ASIC2: variants seen among roughly 807,000 people sequenced by gnomAD.
ASIC2 encodes the protein acid-sensing ion channel 2.
A neutral mutation model predicts 57.3 loss-of-function variants in ASIC2; 25 were observed. The observed-to-expected ratio is 0.44, with a 90% CI of 0.32 to 0.61. ASIC2 has a LOEUF of 0.61. Among genes scored for constraint, ASIC2 ranks in the 20% least tolerant of loss-of-function variants. The pLI is 0.06. For missense variants in ASIC2, 641 were observed against 738.1 expected (o/e 0.87, Z 1.52); for synonymous variants, 319 against 307.5 (o/e 1.04, Z -0.39).
intron 1 of ASIC2, among the ~76,000 whole-genome samples, chr17:33,133,532 A>T (rs1302180444): frequency 1.3e-5 from 2 of 152,216 alleles, no homozygotes; most frequent in South Asian, 2.1e-4. Context: ...AGGGATGGGA[A>T]ACTTAGACTC....
intron 1 of ASIC2, among the ~76,000 whole-genome samples, chr17:33,321,977 G>A (rs981949685): frequency 6.6e-6 from 1 of 152,180 alleles, no homozygotes; most frequent in Admixed American, 6.5e-5. Context: ...TACCTGAGAC[G>A]CCATGGCTTC....
intron 1 of ASIC2, among the ~76,000 whole-genome samples, chr17:33,711,566 A>G (rs1291856261): frequency 6.6e-6 from 1 of 152,184 alleles, no homozygotes; most frequent in African/African-American, 2.4e-5. Flanking sequence ...TTTATAAAGA[A>G]AAGAGGTTTA....
chr17:33,797,085 TCTCA>T (rs1911940082), intron 1 of ASIC2, among the ~76,000 whole-genome samples: 2 of 152,206 alleles, frequency 1.3e-5, no homozygotes, highest in Admixed American at 1.3e-4. Flanking sequence ...GCCTTTTCTC[TCTCA>T]CTCAGTGCCA....
At chr17:33,717,792 C>T (rs1165805354) in intron 1 of ASIC2, among the ~76,000 whole-genome samples, 1 of 152,190 alleles carries the variant, frequency 6.6e-6, no homozygotes, top group Non-Finnish European at 1.5e-5. Flanking sequence ...TGGGTAATTT[C>T]TCCTACCTCG....
intron 1 of ASIC2, among the ~76,000 whole-genome samples, chr17:33,516,707 C>T (rs934558978): frequency 7.9e-5 from 12 of 152,104 alleles, no homozygotes; most frequent in African/African-American, 2.9e-4. Flanking sequence ...TTGGCTTTAT[C>T]TATTTTGTCT....
At chr17:34,097,969 T>C (rs1910606241) in intron 1 of ASIC2, among the ~76,000 whole-genome samples, 1 of 152,094 alleles carries the variant, frequency 6.6e-6, no homozygotes, top group African/African-American at 2.4e-5. Flanking sequence ...AAAGGATACA[T>C]AGGAAATAGA....
At position 33,478,397 on chromosome 17, in the gene ASIC2, G is replaced by A. The variant is rs1004407409; in HGVS notation, c.556-366330C>T. 2.8e-4 allele frequency among the ~76,000 whole-genome samples: 42 copies of A among 152,194 alleles called. 1 individual carries two copies. On this transcript the variant is annotated intron_variant, in intron 1 of 9. Transcript: ENST00000359872. The stretch of plus-strand genomic sequence containing the variant: ...ACACGAACTACCGTTCTTGGTCTCC[G>A]TAAATAGCACAGAGGTCTCCCCAAC...
intron 1 of ASIC2, among the ~76,000 whole-genome samples, chr17:33,820,873 G>T (rs1258511753): frequency 6.6e-6 from 1 of 152,030 alleles, no homozygotes; most frequent in Non-Finnish European, 1.5e-5. Flanking sequence ...CTTAAATGCG[G>T]CTGTTAGAAA....
chr17:34,069,360 CTTTCT>C (rs1018564206), intron 1 of ASIC2: 1 of 3,550 alleles, frequency 2.8e-4, no homozygotes, highest in African/African-American at 1.0e-3. Context: ...CTTTCTTTTT[CTTTCT>C]TTCTTTCCTT....
chr17:33,273,559 T>A (rs943697876), intron 1 of ASIC2, among the ~76,000 whole-genome samples: 9 of 151,730 alleles, frequency 5.9e-5, no homozygotes, highest in African/African-American at 2.2e-4. Flanking sequence ...GGGGTGGAGG[T>A]GGGGAGTACT....
intron 2 of ASIC2, among the ~76,000 whole-genome samples, chr17:33,108,426 G>A (rs1234124615): frequency 6.6e-6 from 1 of 152,196 alleles, no homozygotes; most frequent in Non-Finnish European, 1.5e-5. Context: ...GTTTGGCAGG[G>A]CAGGAAGGCT....
chr17:33,362,660 G>A (rs1908655533), intron 1 of ASIC2, among the ~76,000 whole-genome samples: 1 of 152,232 alleles, frequency 6.6e-6, no homozygotes, highest in African/African-American at 2.4e-5. Flanking sequence ...ATGGATAGGA[G>A]AGCCCTTACT....
chr17:33,992,429 C>T (rs1388605385), intron 1 of ASIC2, among the ~76,000 whole-genome samples: 2 of 152,174 alleles, frequency 1.3e-5, no homozygotes, highest in African/African-American at 2.4e-5. Context: ...ACTCAGCTTC[C>T]TTGACCCTGC....
At chr17:33,687,971 G>A (rs573462637) in intron 1 of ASIC2, among the ~76,000 whole-genome samples, 80 of 152,226 alleles carry the variant, frequency 5.3e-4, no homozygotes, top group African/African-American at 1.9e-3. Context: ...ACCTGAGAAG[G>A]CCCAGAGGAG....
chr17:34,033,915 C>T (rs111861874), intron 1 of ASIC2, among the ~76,000 whole-genome samples: 15,263 of 152,114 alleles, frequency 0.1, 1,062 homozygotes, highest in East Asian at 0.29. Flanking sequence ...GATTCACAGC[C>T]GAATTCTACC....
At chr17:33,636,877 A>G (rs72827244) in intron 1 of ASIC2, among the ~76,000 whole-genome samples, 2 of 150,208 alleles carry the variant, frequency 1.3e-5, no homozygotes, top group African/African-American at 4.9e-5. Flanking sequence ...ATGCACACAC[A>G]CCCACACACA....
chr17:33,623,424 C>A (rs1249253308), intron 1 of ASIC2: 1 of 106,836 alleles, frequency 9.4e-6, no homozygotes, highest in Non-Finnish European at 2.0e-5. Context: ...CACGCCCAGC[C>A]AATTTTTTTT....
rs180998899 is a variant in ASIC2, at chr17:33,617,438, G to T, written c.556-505371C>A. ...CCACGTGTTCTCACTTGTAAGTGGGGGCTAAACACTGAGAACACATGGACA... is the reference window on the plus strand; with the variant it reads ...CCACGTGTTCTCACTTGTAAGTGGGTGCTAAACACTGAGAACACATGGACA... On this transcript the variant is annotated intron_variant, in intron 1 of 9. Transcript: ENST00000359872. Among the ~76,000 whole-genome samples, 47 of 152,204 alleles carry T rather than the reference G, an allele frequency of 3.1e-4. 1 individual carries two copies. Among genetic ancestry groups the T allele is most frequent in the Admixed American group, 1.9e-3 (29 of 15,298 alleles).
chr17:34,033,144 C>T (rs1286641783), intron 1 of ASIC2, among the ~76,000 whole-genome samples: 1 of 152,082 alleles, frequency 6.6e-6, no homozygotes, highest in South Asian at 2.1e-4. Flanking sequence ...TGTAAAAGAA[C>T]AGAAATTATA....
Sources: allele counts gnomAD v4.1 joint callset (sites outside exome capture counted in the v4.1 genomes callset), GRCh38; gene constraint gnomAD v4.1.1; transcripts MANE v1.5; gene names NCBI Gene and HGNC (gene_info 2026-07-23, HGNC 2026-07-21).